The following JARID2 variants were observed in gnomAD, a reference collection of about 807,000 sequenced individuals.
JARID2 encodes jumonji and AT-rich interaction domain containing 2.
In JARID2, 21 loss-of-function variants were observed where a neutral mutation model predicts 125.6. That is an observed-to-expected ratio of 0.17 (90% confidence interval 0.12 to 0.24). The LOEUF (loss-of-function observed/expected upper bound fraction) is 0.24. JARID2 is among the 10% of genes least tolerant of loss of function. The probability of loss-of-function intolerance (pLI) is 1.00; values close to 1 mark genes in which losing one functional copy is unlikely to be tolerated. For synonymous variants in JARID2, 736 were observed against 661.6 expected, an observed-to-expected ratio of 1.11 and a Z score of -1.73; for missense variants, 1,303 against 1,639.6, an observed-to-expected ratio of 0.79 and a Z score of 3.55.
At chr6:15,289,953 A>G (rs1761144760) in intron 1 of JARID2, among the ~76,000 whole-genome samples, 1 of 152,226 alleles carries the variant, frequency 6.6e-6, no homozygotes. Flanking sequence ...GTCTTCATGG[A>G]AAGAAGGAGG....
chr6:15,273,642 G>A (rs1053877679), intron 1 of JARID2, among the ~76,000 whole-genome samples: 5 of 152,178 alleles, frequency 3.3e-5, no homozygotes, highest in African/African-American at 4.8e-5. Context: ...TGTGGGTTGC[G>A]GAGAGCCAAG....
At chr6:15,246,685 A>G (rs1759193612) in intron 1 of JARID2, 101 bp downstream of exon 1, 1 of 1,011,106 alleles carries the variant, frequency 9.9e-7, no homozygotes, top group South Asian at 1.4e-5. Flanking sequence ...TTTTAAACAC[A>G]GCGTCCGATA....
intron 1 of JARID2, among the ~76,000 whole-genome samples, chr6:15,305,562 A>G (rs1198891488): frequency 6.6e-6 from 1 of 152,182 alleles, no homozygotes; most frequent in Non-Finnish European, 1.5e-5. Flanking sequence ...GCATTTGTGG[A>G]TGAGTTTAGA....
chr6:15,443,743 C>G (rs894085568), intron 3 of JARID2, among the ~76,000 whole-genome samples: 2 of 152,066 alleles, frequency 1.3e-5, no homozygotes, highest in Non-Finnish European at 2.9e-5. Flanking sequence ...ATCACAGAAG[C>G]TTGGAGCTAG....
intron 5 of JARID2, among the ~76,000 whole-genome samples, chr6:15,470,958 T>C (rs757463017): frequency 6.6e-6 from 1 of 152,210 alleles, no homozygotes; most frequent in Non-Finnish European, 1.5e-5. Flanking sequence ...TGATTTTAGA[T>C]GTGGGAGTAA....
At chr6:15,289,416 T>C (rs1761122309) in intron 1 of JARID2, among the ~76,000 whole-genome samples, 1 of 152,142 alleles carries the variant, frequency 6.6e-6, no homozygotes, top group Non-Finnish European at 1.5e-5. Context: ...TATATTAAAA[T>C]AGAGACAGGT....
chr6:15,509,272 T>C lies in JARID2; in HGVS notation c.2846+818T>C, dbSNP rs191885845. The C allele has an allele frequency of 1.6e-3, 1,607 of 985,426 alleles. 1 individual carries two copies. Among genetic ancestry groups the C allele is most frequent in the Admixed American group, 1.8e-3 (30 of 16,284 alleles). The allele number at this position is 985,426 out of a possible 1,614,324, so 61.0% of individuals were successfully genotyped here. On this transcript the variant is annotated intron_variant, in intron 12 of 17. Transcript: ENST00000341776. ...ACAAATAATCAGATGTCTTGTCGTC[T>C]GATCGTTTACCGGCATGCTGTTCAT...
At chr6:15,275,520 TACCGCCCCC>T (rs1760462694) in intron 1 of JARID2, among the ~76,000 whole-genome samples, 1 of 21,212 alleles carries the variant, frequency 4.7e-5, no homozygotes, top group Non-Finnish European at 9.6e-5. Flanking sequence ...AAAGTCCATT[TACCGCCCCC>T]CCCGCCCCCC....
intron 1 of JARID2, among the ~76,000 whole-genome samples, chr6:15,371,147 T>G (rs1251023137): frequency 6.6e-6 from 1 of 152,240 alleles, no homozygotes; most frequent in African/African-American, 2.4e-5. Flanking sequence ...TGTCAGTAAC[T>G]GAACCTTAAA....
chr6:15,469,339 GTC>G lies in JARID2; in HGVS notation c.670+642_670+643del, dbSNP rs146456388. ...CTCTGTCTCTCTCTCTCTCTCTCCT[GTC>G]TCTCTCTCTCTCTCTCTCTCCTCCC... On this transcript the variant is annotated intron_variant, in intron 5 of 17. Coordinates refer to ENST00000341776, the MANE Select transcript of JARID2 (RefSeq NM_004973.4). 1.3e-3 allele frequency among the ~76,000 whole-genome samples: 18 copies of G among 14,228 alleles called. 1 individual carries two copies. Among genetic ancestry groups the G allele is most frequent in the African/African-American group, 2.8e-3 (7 of 2,542 alleles). The allele number at this position is 14,228 out of a possible 152,430, so 9.3% of individuals were successfully genotyped here.
intron 1 of JARID2, among the ~76,000 whole-genome samples, chr6:15,256,924 A>G (rs1047578512): frequency 1.4e-4 from 22 of 152,192 alleles, no homozygotes; most frequent in African/African-American, 4.8e-4. Context: ...TTCGAGTACT[A>G]CTTAGTAGTG....
At chr6:15,329,537 C>G (rs528560889) in intron 1 of JARID2, among the ~76,000 whole-genome samples, 1 of 152,238 alleles carries the variant, frequency 6.6e-6, no homozygotes, top group Admixed American at 6.5e-5. Context: ...TGTCCTTATC[C>G]CCACTGGAGG....
chr6:15,250,181 TTC>T (rs1171175348), intron 1 of JARID2, among the ~76,000 whole-genome samples: 5 of 152,246 alleles, frequency 3.3e-5, no homozygotes, highest in African/African-American at 1.2e-4. Context: ...GTATCTAATT[TTC>T]TGATTTGAAA....
intron 1 of JARID2, among the ~76,000 whole-genome samples, chr6:15,310,434 C>G (rs549019681): frequency 6.6e-6 from 1 of 152,186 alleles, no homozygotes; most frequent in Non-Finnish European, 1.5e-5. Context: ...TTACTCCAAC[C>G]ATAACAGAAA....
At chr6:15,319,820 T>C (rs1268426327) in intron 1 of JARID2, among the ~76,000 whole-genome samples, 1 of 152,172 alleles carries the variant, frequency 6.6e-6, no homozygotes, top group Admixed American at 6.5e-5. Flanking sequence ...ATTATGTAAA[T>C]TAAAATAGTG....
At position 15,487,409 on chromosome 6, in the gene JARID2, C is replaced by G; in HGVS notation, c.773C>G (p.Ala258Gly). The change falls in exon 6 of 18, where the codon GCT (alanine) becomes GGT (glycine). Residue 258 changes from alanine to glycine, a missense_variant. Coordinates refer to ENST00000341776, the MANE Select transcript of JARID2 (RefSeq NM_004973.4). Reference protein sequence around the residue: ...PAKEKHSDHRADSRREQASAN... With the variant: ...PAKEKHSDHRGDSRREQASAN... Reference sequence around the variant, plus strand: ...AAGGAGAAGCACAGCGATCACCGGGCTGACAGCCGCCGGGAGCAGGCTTCA... The same window carrying G: ...AAGGAGAAGCACAGCGATCACCGGGGTGACAGCCGCCGGGAGCAGGCTTCA... The G allele has an allele frequency of 6.2e-7, 1 of 1,614,264 alleles. No individual in the cohort carries two copies. Among genetic ancestry groups the G allele is most frequent in the Non-Finnish European group, 8.5e-7 (1 of 1,180,048 alleles).
intron 1 of JARID2, among the ~76,000 whole-genome samples, chr6:15,370,160 A>T (rs1423110133): frequency 1.3e-5 from 2 of 152,128 alleles, no homozygotes; most frequent in African/African-American, 4.8e-5. Flanking sequence ...TATATCAGGC[A>T]TGTTTTAGGA....
intron 4 of JARID2, among the ~76,000 whole-genome samples, chr6:15,457,577 A>T (rs984426024): frequency 6.8e-6 from 1 of 147,596 alleles, no homozygotes; most frequent in South Asian, 2.2e-4. Flanking sequence ...CCTGGAAGTG[A>T]TGTTTGTTGC....
At chr6:15,324,222 T>C (rs892659894) in intron 1 of JARID2, 1 of 152,084 alleles carries the variant, frequency 6.6e-6, no homozygotes, top group Non-Finnish European at 1.5e-5. Context: ...AAAATCCTTT[T>C]TGATTTGTAT....
Sources: allele counts gnomAD v4.1 joint callset (sites outside exome capture counted in the v4.1 genomes callset), GRCh38; gene constraint gnomAD v4.1.1; transcripts MANE v1.5; gene names NCBI Gene and HGNC (gene_info 2026-07-23, HGNC 2026-07-21).